The following SFXN5 variants were observed in gnomAD, a reference collection of about 807,000 sequenced individuals.
SFXN5 encodes the protein sideroflexin-5.
Under a neutral mutation model 50.2 loss-of-function variants are expected in SFXN5, and 43 were observed. That is an observed-to-expected ratio of 0.86 (90% CI 0.67 to 1.11). SFXN5 has a LOEUF of 1.11. Ranked by LOEUF, SFXN5 falls within the 50% of genes least tolerant of loss-of-function variation. SFXN5 has a pLI of 0.00. For missense variants in SFXN5, 463 were observed against 454.1 expected (o/e 1.02, Z -0.18); for synonymous variants, 203 against 185.8 (o/e 1.09, Z -0.75).
chr2:73,020,284 A>G lies in SFXN5; in HGVS notation c.332-20T>C, dbSNP rs368323429. 8.7e-6 allele frequency: 14 copies of G among 1,613,846 alleles called. No individual in the cohort carries two copies. The African/African-American group carries it at 1.7e-4, about 20-fold the overall frequency. Reference sequence around the variant, plus strand: ...TATAACCTGTGAACGAGAAGAAAAGAGTCAGGCCTTATAATCCACTCACAT... The same window carrying G: ...TATAACCTGTGAACGAGAAGAAAAGGGTCAGGCCTTATAATCCACTCACAT... On this transcript the variant is annotated intron_variant, in intron 5 of 13. Coordinates refer to ENST00000272433, the MANE Select transcript of SFXN5 (RefSeq NM_144579.3).
At chr2:73,066,329 GGGT>G (rs1436942791) in intron 1 of SFXN5, among the ~76,000 whole-genome samples, 1 of 150,988 alleles carries the variant, frequency 6.6e-6, no homozygotes, top group Non-Finnish European at 1.5e-5. Flanking sequence ...AGGCCGAGGC[GGGT>G]GGATCACCTG....
chr2:73,052,317 A>G (rs1049703604), intron 2 of SFXN5, among the ~76,000 whole-genome samples: 1 of 151,520 alleles, frequency 6.6e-6, no homozygotes, highest in African/African-American at 2.4e-5. Context: ...AGAGCCAGAA[A>G]ATTAGAAAAT....
intron 13 of SFXN5, among the ~76,000 whole-genome samples, chr2:72,955,400 G>A (rs746657598): frequency 6.6e-5 from 10 of 152,218 alleles, no homozygotes; most frequent in Admixed American, 1.3e-4. Flanking sequence ...CAATGGCTCC[G>A]GCTTGTATGT....
At chr2:72,999,761 C>A (rs1475496806) in intron 8 of SFXN5, among the ~76,000 whole-genome samples, 1 of 152,164 alleles carries the variant, frequency 6.6e-6, no homozygotes, top group Non-Finnish European at 1.5e-5. Flanking sequence ...AATGTTAGGA[C>A]TCTCCTCTAC....
At position 73,066,958 on chromosome 2, in the gene SFXN5, T is replaced by C. The variant is rs10192515; in HGVS notation, c.102+4646A>G. Among the ~76,000 whole-genome samples the C allele has an allele frequency of 8.7e-3, 1,319 of 152,328 alleles. 20 individuals are homozygous for C. Among genetic ancestry groups the C allele is most frequent in the African/African-American group, 0.03 (1,250 of 41,572 alleles). ...TACTCTGGAGGTAGAGGCCAGAGGA[T>C]TGCTTGAGCCCAGGCGCTCAAGGCT... On this transcript the variant is annotated intron_variant, in intron 1 of 13. Transcript: ENST00000272433.
At chr2:73,050,474 CTGGAGCAGTGGCCCAAG>C (rs1681156102) in intron 2 of SFXN5, among the ~76,000 whole-genome samples, 1 of 151,804 alleles carries the variant, frequency 6.6e-6, no homozygotes, top group African/African-American at 2.4e-5. Flanking sequence ...CTTGTGCCCT[CTGGAGCAGTGGCCCAAG>C]CTGCACCTGG....
chr2:72,968,312 G>A (rs1190938399), intron 12 of SFXN5, 136 bp downstream of exon 12: 7 of 722,346 alleles, frequency 9.7e-6, no homozygotes, highest in African/African-American at 5.3e-5. Flanking sequence ...GATGGAGCAA[G>A]ACACCTTCCA....
chr2:73,021,101 C>A (rs1192510205), intron 5 of SFXN5, among the ~76,000 whole-genome samples: 1 of 152,182 alleles, frequency 6.6e-6, no homozygotes, highest in Non-Finnish European at 1.5e-5. Context: ...ATCAGGGCCT[C>A]AGAGGAATGC....
rs529353032 is a variant in SFXN5 at position 72,950,021 on chromosome 2, C to T, written c.946-4922G>A. ...GGACAGGCCTGGGAGGCAGATGGGTCCAGGGCTCTGGAGCTCTGGGCAGGA... is the reference window on the plus strand; with the variant it reads ...GGACAGGCCTGGGAGGCAGATGGGTTCAGGGCTCTGGAGCTCTGGGCAGGA... On this transcript the variant is annotated intron_variant, in intron 13 of 13. Coordinates refer to ENST00000272433, the MANE Select transcript of SFXN5 (RefSeq NM_144579.3). The surrounding 1 kb of genome is among the most constrained non-coding windows in gnomAD (Gnocchi z 4.2). 1.3e-3 allele frequency among the ~76,000 whole-genome samples: 200 copies of T among 151,948 alleles called. 2 individuals carry two copies. The highest frequency in any genetic ancestry group is 4.3e-4 in the Non-Finnish European group (29 of 67,918).
At chr2:73,066,430 C>T (rs924660325) in intron 1 of SFXN5, among the ~76,000 whole-genome samples, 16 of 151,810 alleles carry the variant, frequency 1.1e-4, no homozygotes, top group African/African-American at 3.4e-4. Context: ...TGGTGGCATG[C>T]GCCCGTAATC....
intron 3 of SFXN5, among the ~76,000 whole-genome samples, chr2:73,027,880 T>TC (rs1208761439): frequency 6.6e-6 from 1 of 152,146 alleles, no homozygotes; most frequent in East Asian, 1.9e-4. Context: ...CAGGCTGGTC[T>TC]CCAACTCCTG....
At chr2:73,022,268 C>A (rs1489057497) in intron 5 of SFXN5, among the ~76,000 whole-genome samples, 1 of 152,122 alleles carries the variant, frequency 6.6e-6, no homozygotes, top group South Asian at 2.1e-4. Context: ...GTGGGGGCTA[C>A]CAGATTCACC....
intron 1 of SFXN5, among the ~76,000 whole-genome samples, chr2:73,066,374 A>G (rs538403514): frequency 2.0e-5 from 3 of 152,268 alleles, no homozygotes; most frequent in East Asian, 3.9e-4. Flanking sequence ...CCTGGCCAAC[A>G]TGGTGAAACC....
In SFXN5 at chr2:73,058,538, A is replaced by T; in HGVS notation, c.161T>A (p.Phe54Tyr). 6.2e-7 allele frequency: 1 copy of T among 1,614,136 alleles called. No individual in the cohort carries two copies. The highest frequency in any genetic ancestry group is 8.5e-7 in the Non-Finnish European group (1 of 1,179,988). The change falls in exon 2 of 14, where the codon TTT becomes TAT. Residue 54 changes from phenylalanine to tyrosine, a missense_variant. Coordinates refer to ENST00000272433, the MANE Select transcript of SFXN5 (RefSeq NM_144579.3). ...FLDIIDPRTL[F>Y]VTERRLREAV... The stretch of plus-strand genomic sequence containing the variant: ...ACAGCCATGACTTACCTCAGTGACA[A>T]AGAGTGTGCGAGGGTCGATGATATC...
intron 2 of SFXN5, among the ~76,000 whole-genome samples, chr2:73,053,152 C>G (rs1036915912): frequency 6.9e-6 from 1 of 145,612 alleles, no homozygotes; most frequent in African/African-American, 2.5e-5. Flanking sequence ...CCAGCCTGGG[C>G]AACAGAGTAA....
intron 13 of SFXN5, among the ~76,000 whole-genome samples, chr2:72,948,616 T>C (rs1672199294): frequency 6.6e-6 from 1 of 152,240 alleles, no homozygotes; most frequent in South Asian, 2.1e-4. Flanking sequence ...CACGGCCCAC[T>C]GTGCCCACTC....
At chr2:73,033,135 C>A (rs1678533217) in intron 3 of SFXN5, among the ~76,000 whole-genome samples, 2 of 152,188 alleles carry the variant, frequency 1.3e-5, no homozygotes, top group South Asian at 4.1e-4. Context: ...CCTCCTCTTC[C>A]TCATTTGTAA....
intron 3 of SFXN5, among the ~76,000 whole-genome samples, chr2:73,037,017 G>T (rs922745740): frequency 8.5e-5 from 13 of 152,338 alleles, no homozygotes; most frequent in Non-Finnish European, 1.2e-4. Flanking sequence ...CTGCACAGGG[G>T]CATCTGGCCA....
intron 3 of SFXN5, among the ~76,000 whole-genome samples, chr2:73,039,299 A>G (rs1220679647): frequency 6.6e-6 from 1 of 152,216 alleles, no homozygotes; most frequent in Non-Finnish European, 1.5e-5. Context: ...TATGTGGTGT[A>G]TGACTGTATT....
Sources: gnomAD v4.1 joint callset for allele counts (sites outside exome capture counted in the v4.1 genomes callset) on GRCh38, gnomAD v4.1.1 for gene constraint, Gnocchi (gnomAD v3.1) non-coding constraint, MANE v1.5 for transcripts, NCBI Gene and HGNC (gene_info 2026-07-23, HGNC 2026-07-21) for gene names.